COP1: variants seen among roughly 807,000 people sequenced by gnomAD.
The protein encoded by COP1 is COP1 E3 ubiquitin ligase.
Under a neutral mutation model 101.3 loss-of-function variants are expected in COP1, and 24 were observed. That is an observed-to-expected ratio of 0.24 (90% CI 0.17 to 0.33). The LOEUF is 0.33. Among genes scored for constraint, COP1 ranks in the 10% least tolerant of loss-of-function variants. The pLI is 1.00. For synonymous variants in COP1, 347 were observed against 341.9 expected, an observed-to-expected ratio of 1.01 and a Z score of -0.17; for missense variants, 663 against 906.2, an observed-to-expected ratio of 0.73 and a Z score of 3.45.
At chr1:176,000,581 T>C (rs1331841215) in intron 15 of COP1, among the ~76,000 whole-genome samples, 1 of 152,042 alleles carries the variant, frequency 6.6e-6, no homozygotes, top group Non-Finnish European at 1.5e-5. Context: ...ATATGTGGTC[T>C]CTCACTGATT....
intron 3 of COP1, among the ~76,000 whole-genome samples, chr1:176,174,562 A>T (rs1277290341): frequency 7.7e-5 from 1 of 13,010 alleles, no homozygotes; most frequent in Non-Finnish European, 6.7e-4. Flanking sequence ...TTCCTTCATA[A>T]AAAAAAAATT....
At position 176,179,268 on chromosome 1, in the gene COP1, C is replaced by T. The variant is rs563136156; in HGVS notation, c.468-3261G>A. Among the ~76,000 whole-genome samples, 394 of 144,018 alleles carry T rather than the reference C, an allele frequency of 2.7e-3. 1 individual carries two copies. Among genetic ancestry groups the T allele is most frequent in the African/African-American group, 9.5e-3 (370 of 38,744 alleles). The allele number at this position is 144,018 out of a possible 152,430, so 94.5% of individuals were successfully genotyped here. A position where few individuals can be genotyped will look rare whatever the true frequency, so the allele number is the denominator to read the frequency against. ...TCACGCCATTGCACTCCAGCCTGGGCGACAAAGTGAGACTCCGTCTCAAAA... is the reference window on the plus strand; with the variant it reads ...TCACGCCATTGCACTCCAGCCTGGGTGACAAAGTGAGACTCCGTCTCAAAA... On this transcript the variant is annotated intron_variant, in intron 2 of 19. Transcript: ENST00000367669.
At chr1:176,157,330 A>T (rs942316331) in intron 5 of COP1, among the ~76,000 whole-genome samples, 2 of 152,220 alleles carry the variant, frequency 1.3e-5, no homozygotes, top group African/African-American at 4.8e-5. Flanking sequence ...GCTGAGCTAC[A>T]ATGAAATCAC....
In COP1 at chr1:175,980,916, G is replaced by A. The variant is rs1036025560; in HGVS notation, c.2133+6027C>T. ...GGTCTACCCCTAACAAAAATATTGT[G>A]TCCCTTTACACAGGCATCATCACAT... On this transcript the variant is annotated intron_variant, in intron 18 of 19. Transcript: ENST00000367669. 2.0e-5 allele frequency among the ~76,000 whole-genome samples: 3 copies of A among 152,044 alleles called. No individual in the cohort carries two copies. The South Asian group carries it at 6.2e-4, about 32-fold the overall frequency.
At chr1:175,958,997 T>C (rs537255423) in intron 18 of COP1, among the ~76,000 whole-genome samples, 4 of 151,886 alleles carry the variant, frequency 2.6e-5, no homozygotes, top group South Asian at 2.1e-4. Context: ...AAACCTGACA[T>C]GGACAATGCA....
chr1:176,002,991 T>A (rs1399190765), intron 15 of COP1, among the ~76,000 whole-genome samples: 2 of 150,080 alleles, frequency 1.3e-5, no homozygotes, highest in Non-Finnish European at 3.0e-5. Flanking sequence ...AAAGTGTTCC[T>A]ATTTCTCCAC....
intron 18 of COP1, among the ~76,000 whole-genome samples, chr1:175,952,483 A>G (rs1398423868): frequency 6.6e-6 from 1 of 152,088 alleles, no homozygotes; most frequent in Non-Finnish European, 1.5e-5. Context: ...ACAAAATTAA[A>G]GTCAAAATAA....
chr1:176,042,455 C>T lies in COP1; in HGVS notation c.1612+731G>A, dbSNP rs1221748863. On this transcript the variant is annotated intron_variant, in intron 14 of 19. Transcript: ENST00000367669. ...GTGGGTGGCTGTAATCCCAGCCACT[C>T]GGGAGGGTGAGGCAGGAGAATCGCT... is the stretch of plus-strand genomic sequence containing the variant. Among the ~76,000 whole-genome samples, 10 of 128,276 alleles carry T rather than the reference C, an allele frequency of 7.8e-5. 1 individual carries two copies. Among genetic ancestry groups the T allele is most frequent in the Admixed American group, 3.4e-4 (4 of 11,852 alleles). The allele number at this position is 128,276 out of a possible 152,430, so 84.2% of individuals were successfully genotyped here. A position where few individuals can be genotyped will look rare whatever the true frequency, so the allele number is the denominator to read the frequency against.
At chr1:176,038,661 T>C (rs1032066474) in intron 14 of COP1, among the ~76,000 whole-genome samples, 1 of 151,816 alleles carries the variant, frequency 6.6e-6, no homozygotes, top group Non-Finnish European at 1.5e-5. Flanking sequence ...CTACTAAAAA[T>C]ACAAAAATCA....
intron 15 of COP1, among the ~76,000 whole-genome samples, chr1:175,989,730 T>C (rs992284133): frequency 6.6e-6 from 1 of 152,156 alleles, no homozygotes; most frequent in Non-Finnish European, 1.5e-5. Context: ...AAAATGTTAA[T>C]ATAAACATTA....
At chr1:176,025,388 T>C (rs1299185346) in intron 15 of COP1, among the ~76,000 whole-genome samples, 3 of 150,478 alleles carry the variant, frequency 2.0e-5, no homozygotes, top group Non-Finnish European at 4.4e-5. Context: ...CTAGACTTAA[T>C]GTAAAAAATT....
At chr1:175,995,314 C>T (rs1659857478) in intron 15 of COP1, among the ~76,000 whole-genome samples, 1 of 151,980 alleles carries the variant, frequency 6.6e-6, no homozygotes, top group Admixed American at 6.5e-5. Context: ...AAATTGACAC[C>T]CTAACATCAC....
chr1:176,191,580 G>T (rs1699117557), intron 1 of COP1, among the ~76,000 whole-genome samples: 1 of 151,574 alleles, frequency 6.6e-6, no homozygotes, highest in Admixed American at 6.6e-5. Flanking sequence ...GAAAAAAAAT[G>T]AGTAAAAAGG....
intron 8 of COP1, among the ~76,000 whole-genome samples, chr1:176,118,453 G>C (rs1239459650): frequency 1.3e-5 from 2 of 152,158 alleles, no homozygotes; most frequent in East Asian, 3.9e-4. Context: ...TAACAACAAT[G>C]TATTTATATT....
At chr1:175,990,631 A>G (rs561145765) in intron 15 of COP1, among the ~76,000 whole-genome samples, 1 of 152,198 alleles carries the variant, frequency 6.6e-6, no homozygotes, top group South Asian at 2.1e-4. Flanking sequence ...AATATCACAG[A>G]TTTTCTTTTC....
intron 11 of COP1, among the ~76,000 whole-genome samples, chr1:176,054,763 T>C (rs1174130782): frequency 6.6e-6 from 1 of 152,194 alleles, no homozygotes; most frequent in African/African-American, 2.4e-5. Flanking sequence ...GGCTTCCATG[T>C]TTTTCTTCCT....
chr1:176,140,445 G>A (rs1285357216), intron 6 of COP1, among the ~76,000 whole-genome samples: 1 of 152,156 alleles, frequency 6.6e-6, no homozygotes, highest in African/African-American at 2.4e-5. Context: ...GAAAACTGTT[G>A]AGAGAGCACA....
chr1:175,988,987 G>C (rs1657779868), intron 16 of COP1: 1 of 165,702 alleles, frequency 6.0e-6, no homozygotes, highest in Non-Finnish European at 1.3e-5. Context: ...TAACACATGA[G>C]TTGACTTTAA....
chr1:176,171,613 T>A (rs1000075685), intron 3 of COP1, among the ~76,000 whole-genome samples: 1 of 152,194 alleles, frequency 6.6e-6, no homozygotes, highest in African/African-American at 2.4e-5. Context: ...CACAGAGATA[T>A]GAAGTGAGCA....
Sources: allele counts gnomAD v4.1 joint callset (sites outside exome capture counted in the v4.1 genomes callset), GRCh38; gene constraint gnomAD v4.1.1; transcripts MANE v1.5; gene names NCBI Gene and HGNC (gene_info 2026-07-23, HGNC 2026-07-21).